Variants in TRMT11 observed in about 807,000 individuals in gnomAD.
TRMT11 encodes the protein tRNA (guanine(10)-N(2))-methyltransferase TRMT11.
A neutral mutation model predicts 62.8 loss-of-function variants in TRMT11; 53 were observed. That is an observed-to-expected ratio of 0.84 (90% CI 0.68 to 1.06). TRMT11 has a LOEUF of 1.06. TRMT11 is among the 50% of genes least tolerant of loss of function. The probability of loss-of-function intolerance (pLI) is 0.00; values close to 1 mark genes in which losing one functional copy is unlikely to be tolerated. For missense variants in TRMT11, 556 were observed against 553.4 expected, an observed-to-expected ratio of 1.00 and a Z score of -0.05; for synonymous variants, 188 against 190.3, an observed-to-expected ratio of 0.99 and a Z score of 0.10.
chr6:125,986,569 CT>C lies in TRMT11; in HGVS notation c.21del (p.Asn8ThrfsTer19), dbSNP rs1789645498. 2 of 1,592,202 alleles carry C rather than the reference CT, an allele frequency of 1.3e-6. No individual in the cohort carries two copies. The highest frequency in any genetic ancestry group is 1.7e-6 in the Non-Finnish European group (2 of 1,171,618). On this transcript the variant is annotated frameshift_variant, in exon 1 of 13. Transcript: ENST00000334379. LOFTEE classifies it high-confidence loss of function. MALSCTLNRYLLLMAQE... is the reference protein window; with the variant it reads MALSCTXNRYLLLMAQE... Reference sequence around the variant, plus strand: ...AGCTGCAATGGCGCTGTCGTGTACCCTTAACAGGTATCTGCTCCTCATGGCG... The same window carrying C: ...AGCTGCAATGGCGCTGTCGTGTACCCTAACAGGTATCTGCTCCTCATGGCG...
intron 21 of TRMT11, among the ~76,000 whole-genome samples, chr6:126,118,011 G>A (rs565864805): frequency 2.0e-5 from 3 of 152,228 alleles, no homozygotes; most frequent in African/African-American, 7.2e-5. Flanking sequence ...TTCTGGAAAA[G>A]TGTTTTATTC....
chr6:126,079,097 T>C (rs925114273), intron 17 of TRMT11, among the ~76,000 whole-genome samples: 10 of 152,140 alleles, frequency 6.6e-5, no homozygotes, highest in African/African-American at 2.4e-4. Context: ...ACCCTAAGCC[T>C]TCAGGAGGTA....
the TRMT11 span, among the ~76,000 whole-genome samples, chr6:126,218,095 C>T: frequency 6.6e-6 from 1 of 152,312 alleles, no homozygotes; most frequent in East Asian, 1.9e-4. Context: ...CCAGTCAACA[C>T]GAGATGAGTA....
intron 1 of TRMT11, among the ~76,000 whole-genome samples, chr6:126,196,722 G>A (rs1420723225): frequency 6.6e-6 from 1 of 152,026 alleles, no homozygotes; most frequent in Non-Finnish European, 1.5e-5. Context: ...AGGTATAATG[G>A]AAGTACAAGT....
chr6:126,118,034 A>G (rs1165978222), intron 21 of TRMT11, among the ~76,000 whole-genome samples: 1 of 152,110 alleles, frequency 6.6e-6, no homozygotes. Flanking sequence ...AGAGGATTTG[A>G]TTATTGAGTT....
intron 21 of TRMT11, among the ~76,000 whole-genome samples, chr6:126,156,849 G>A (rs567905073): frequency 6.6e-6 from 1 of 152,254 alleles, no homozygotes; most frequent in South Asian, 2.1e-4. Flanking sequence ...CTCCCAACAG[G>A]CCCCATCTCC....
intron 9 of TRMT11, among the ~76,000 whole-genome samples, chr6:126,012,122 A>G (rs1163324211): frequency 6.6e-6 from 1 of 152,220 alleles, no homozygotes; most frequent in African/African-American, 2.4e-5. Flanking sequence ...AGATTTTGTC[A>G]AATGTAATGT....
chr6:126,028,623 T>C (rs867516692), intron 12 of TRMT11, among the ~76,000 whole-genome samples: 2 of 152,194 alleles, frequency 1.3e-5, no homozygotes, highest in Non-Finnish European at 2.9e-5. Flanking sequence ...GTACTTTTTC[T>C]TGAGTTTACA....
chr6:126,182,273 T>C (rs1778475624), intron 1 of TRMT11, among the ~76,000 whole-genome samples: 1 of 152,090 alleles, frequency 6.6e-6, no homozygotes, highest in African/African-American at 2.4e-5. Flanking sequence ...GAGGTACCGA[T>C]GGGGGATCCT....
At chr6:126,083,524 CATG>C (rs1251126296) in intron 17 of TRMT11, among the ~76,000 whole-genome samples, 1 of 152,084 alleles carries the variant, frequency 6.6e-6, no homozygotes, top group African/African-American at 2.4e-5. Context: ...AGGTATACAA[CATG>C]ATGTTATGGG....
intron 21 of TRMT11, among the ~76,000 whole-genome samples, chr6:126,142,497 C>T (rs929755934): frequency 1.3e-4 from 20 of 151,748 alleles, no homozygotes; most frequent in Non-Finnish European, 2.2e-4. Flanking sequence ...GTAGAAATTG[C>T]GTTAAGAAAT....
At chr6:126,225,020 T>C in the TRMT11 span, among the ~76,000 whole-genome samples, 1 of 152,106 alleles carries the variant, frequency 6.6e-6, no homozygotes, top group Admixed American at 6.5e-5. Flanking sequence ...TGAGAGAGGC[T>C]GACAGACAGA....
At chr6:126,244,157 T>C in the TRMT11 span, among the ~76,000 whole-genome samples, 1 of 152,054 alleles carries the variant, frequency 6.6e-6, no homozygotes, top group African/African-American at 2.4e-5. Context: ...TCTTTCTTTT[T>C]CATACTACTT....
At chr6:126,106,809 G>C (rs1412757500) in intron 17 of TRMT11, among the ~76,000 whole-genome samples, 1 of 151,972 alleles carries the variant, frequency 6.6e-6, no homozygotes, top group Admixed American at 6.6e-5. Flanking sequence ...CCTATGACTT[G>C]AATTTAATTA....
downstream of TRMT11, among the ~76,000 whole-genome samples, chr6:126,203,763 A>C (rs1264459739): frequency 6.6e-6 from 1 of 152,254 alleles, no homozygotes; most frequent in East Asian, 1.9e-4. Context: ...TCAGGCAGCC[A>C]TTAAAATGAC....
intron 17 of TRMT11, among the ~76,000 whole-genome samples, chr6:126,089,612 A>G (rs1172094542): frequency 6.6e-6 from 1 of 152,200 alleles, no homozygotes; most frequent in Non-Finnish European, 1.5e-5. Context: ...TGCTCCCAGT[A>G]ATAACTTCTG....
chr6:126,086,127 G>A (rs913499222), intron 17 of TRMT11, among the ~76,000 whole-genome samples: 2 of 152,120 alleles, frequency 1.3e-5, no homozygotes, highest in Non-Finnish European at 2.9e-5. Flanking sequence ...TTCTTAGGCT[G>A]ATTTACTTTA....
intron 17 of TRMT11, among the ~76,000 whole-genome samples, chr6:126,086,893 GTT>G (rs1777223009): frequency 6.6e-6 from 1 of 152,130 alleles, no homozygotes; most frequent in Non-Finnish European, 1.5e-5. Context: ...TCTGAGAAGG[GTT>G]TCCTCTCTGG....
chr6:126,020,593 GTTTA>G (rs1339016445), intron 11 of TRMT11, among the ~76,000 whole-genome samples: 4 of 152,164 alleles, frequency 2.6e-5, no homozygotes, highest in Non-Finnish European at 4.4e-5. Context: ...AATCTGTAGT[GTTTA>G]TTTTAGTTGT....
Sources: allele counts gnomAD v4.1 joint callset (sites outside exome capture counted in the v4.1 genomes callset), GRCh38; gene constraint gnomAD v4.1.1; transcripts MANE v1.5; gene names NCBI Gene and HGNC (gene_info 2026-07-23, HGNC 2026-07-21).